Variants in GPAT3 observed in about 807,000 individuals in gnomAD.
The protein encoded by GPAT3 is 1-AGP acyltransferase 9.
A neutral mutation model predicts 58.8 loss-of-function variants in GPAT3; 53 were observed. The ratio of observed to expected loss-of-function variants is 0.90; its 90% CI spans 0.72 to 1.13. GPAT3 has a LOEUF of 1.13. Among genes scored for constraint, GPAT3 ranks in the 50% most tolerant of loss-of-function variants. The pLI is 0.00. For synonymous variants in GPAT3, 197 were observed against 187.4 expected (o/e 1.05, Z -0.42); for missense variants, 511 against 527.6 (o/e 0.97, Z 0.31).
chr4:83,539,585 C>A (rs1400276412), intron 1 of GPAT3, among the ~76,000 whole-genome samples: 1 of 152,154 alleles, frequency 6.6e-6, no homozygotes, highest in East Asian at 1.9e-4. Flanking sequence ...GAACTTTATG[C>A]TCTTCTCTGA....
intron 2 of GPAT3, among the ~76,000 whole-genome samples, chr4:83,579,165 TTC>T (rs1299789440): frequency 2.1e-5 from 3 of 140,684 alleles, no homozygotes; most frequent in Non-Finnish European, 4.6e-5. Context: ...CTTTCTCTCT[TTC>T]TCTTTCTTTC....
chr4:83,587,228 T>C, intron 3 of GPAT3, 27 bp from the exon 4 acceptor site: 3 of 1,597,528 alleles, frequency 1.9e-6, no homozygotes, highest in East Asian at 4.5e-5. Context: ...GTCAAAATCT[T>C]ATATGGCCCT....
chr4:83,578,948 T>TTGCTTTC, intron 2 of GPAT3, among the ~76,000 whole-genome samples: 1 of 71,878 alleles, frequency 1.4e-5, no homozygotes, highest in African/African-American at 5.6e-5. Flanking sequence ...TTTTCTTTTC[T>TTGCTTTC]TTTCTTTCTT....
At chr4:83,598,621 A>AT in intron 10 of GPAT3, 23 bp from the exon 11 acceptor site, 4 of 1,468,892 alleles carry the variant, frequency 2.7e-6, no homozygotes, top group East Asian at 2.3e-5. Flanking sequence ...ATATTCTTGC[A>AT]ATTTTTTTTT....
In GPAT3 at chr4:83,536,226, G is replaced by T. The variant is rs993614793; in HGVS notation, c.-397G>T. On this transcript the variant is annotated 5_prime_UTR_variant, in exon 1 of 12. Coordinates refer to ENST00000264409, the MANE Select transcript of GPAT3 (RefSeq NM_032717.5). Reference sequence around the variant, plus strand: ...GCCTCCGTGAGTCATCTGCTGAGTTGTCGCAATCGCCACCCAGAGGAAATC... The same window carrying T: ...GCCTCCGTGAGTCATCTGCTGAGTTTTCGCAATCGCCACCCAGAGGAAATC... The T allele has an allele frequency of 8.0e-6, 8 of 996,380 alleles. 1 individual carries two copies. In the African/African-American group the frequency reaches 1.4e-4, roughly 17 times the overall value. The allele number at this position is 996,380 out of a possible 1,614,324, so 61.7% of individuals were successfully genotyped here.
chr4:83,537,572 A>T (rs946437362), intron 1 of GPAT3, among the ~76,000 whole-genome samples: 1 of 149,666 alleles, frequency 6.7e-6, no homozygotes, highest in Non-Finnish European at 1.5e-5. Context: ...TTAAAAAAAA[A>T]TTTAATTATA....
chr4:83,567,709 G>A (rs1363702367), intron 2 of GPAT3, among the ~76,000 whole-genome samples: 1 of 152,118 alleles, frequency 6.6e-6, no homozygotes, highest in Non-Finnish European at 1.5e-5. Context: ...GAGGCGGGTG[G>A]ATCATTGAGC....
chr4:83,598,745 C>T, intron 11 of GPAT3, 22 bp downstream of exon 11: 1 of 313,770 alleles, frequency 3.2e-6, no homozygotes, highest in Non-Finnish European at 6.2e-6. Flanking sequence ...TTCAGAAGTA[C>T]TATCACTTTT....
intron 1 of GPAT3, among the ~76,000 whole-genome samples, chr4:83,538,234 T>C (rs996026689): frequency 6.6e-6 from 1 of 152,232 alleles, no homozygotes; most frequent in Non-Finnish European, 1.5e-5. Context: ...TGTATTGCCC[T>C]AGACTCTTGT....
At chr4:83,582,625 A>G (rs1435825020) in intron 3 of GPAT3, among the ~76,000 whole-genome samples, 2 of 152,240 alleles carry the variant, frequency 1.3e-5, no homozygotes, top group East Asian at 3.8e-4. Context: ...CTTTCCAGGC[A>G]GTGGCTACCT....
At chr4:83,559,372 A>G (rs1291651487) in intron 2 of GPAT3, among the ~76,000 whole-genome samples, 3 of 151,986 alleles carry the variant, frequency 2.0e-5, no homozygotes, top group African/African-American at 7.2e-5. Context: ...CACCCAGGCT[A>G]GAGTGCAGTG....
rs538067205 is a variant in GPAT3 at position 83,551,896 on chromosome 4, T to C, written c.208+7294T>C. The stretch of plus-strand genomic sequence containing the variant: ...ATTTTTTTTCTTGTTAAACTCATCT[T>C]TGGGGGGTTACATTTATATTGTAAA... On this transcript the variant is annotated intron_variant, in intron 2 of 11. Transcript: ENST00000264409. 7.9e-5 allele frequency among the ~76,000 whole-genome samples: 12 copies of C among 152,072 alleles called. 1 individual carries two copies. Among genetic ancestry groups the C allele is most frequent in the African/African-American group, 2.4e-4 (10 of 41,442 alleles).
chr4:83,538,515 C>G (rs1406943820), intron 1 of GPAT3, among the ~76,000 whole-genome samples: 1 of 152,194 alleles, frequency 6.6e-6, no homozygotes, highest in African/African-American at 2.4e-5. Flanking sequence ...TTGAACTGCT[C>G]TCTCATACAG....
Position 83,537,733 on chromosome 4 carries a change from G to T in GPAT3, c.141+970G>T, listed in dbSNP as rs139427143. On this transcript the variant is annotated intron_variant, in intron 1 of 11. Coordinates refer to ENST00000264409, the MANE Select transcript of GPAT3 (RefSeq NM_032717.5). ...CACCTCCCAAAGTGCTGGGATTAAA[G>T]GTGTGAGCCCCACGCCTGGCCAGAA... Among the ~76,000 whole-genome samples the T allele has an allele frequency of 1.3e-4, 19 of 151,886 alleles. No individual in the cohort carries two copies. In the East Asian group the frequency reaches 2.3e-3, roughly 19 times the overall value.
chr4:83,550,623 C>G (rs1724717648), intron 2 of GPAT3, among the ~76,000 whole-genome samples: 3 of 152,128 alleles, frequency 2.0e-5, no homozygotes. Flanking sequence ...AACCACAATG[C>G]TATTATCCCT....
intron 2 of GPAT3, among the ~76,000 whole-genome samples, chr4:83,552,885 A>G (rs933896000): frequency 1.7e-4 from 26 of 152,156 alleles, no homozygotes; most frequent in Non-Finnish European, 4.4e-5. Flanking sequence ...TAGTGCCCTT[A>G]TAAATACGGG....
rs1726414346 is a variant in GPAT3 at position 83,587,334 on chromosome 4, A to G, written c.554+5A>G. The G allele has an allele frequency of 6.2e-7, 1 of 1,611,772 alleles. No individual in the cohort carries two copies. The highest frequency in any genetic ancestry group is 8.5e-7 in the Non-Finnish European group (1 of 1,178,330). ...TGGGCAGCTGCCAGACAGCAGGTGA[A>G]ATGTTTCCTTCCATCCAGCCATATA... On this transcript the variant is annotated splice_donor_5th_base_variant and intron_variant, in intron 4 of 11. Transcript: ENST00000264409.
intron 9 of GPAT3, 61 bp from the exon 10 acceptor site, chr4:83,597,990 T>C (rs918460128): frequency 2.3e-5 from 37 of 1,595,336 alleles, no homozygotes; most frequent in African/African-American, 2.3e-4. Context: ...CTTTAAAACA[T>C]TGGGCACGGA....
intron 2 of GPAT3, among the ~76,000 whole-genome samples, chr4:83,564,752 G>A (rs1725321863): frequency 6.6e-6 from 1 of 151,922 alleles, no homozygotes; most frequent in African/African-American, 2.4e-5. Context: ...ACAAATATTT[G>A]TTTCAGTTTG....
Sources: allele counts gnomAD v4.1 joint callset (sites outside exome capture counted in the v4.1 genomes callset), GRCh38; gene constraint gnomAD v4.1.1; transcripts MANE v1.5; gene names NCBI Gene and HGNC (gene_info 2026-07-23, HGNC 2026-07-21).